The following DDX10 variants were observed in gnomAD, a reference collection of about 807,000 sequenced individuals.
The protein encoded by DDX10 is probable ATP-dependent RNA helicase DDX10.
In DDX10, 74 loss-of-function variants were observed where a neutral mutation model predicts 104.3. That is an observed-to-expected ratio of 0.71 (90% CI 0.59 to 0.86). The LOEUF (loss-of-function observed/expected upper bound fraction) is 0.86, where lower values mean the gene tolerates loss of function less well. DDX10 is among the 40% of genes least tolerant of loss of function. The probability of loss-of-function intolerance (pLI) is 0.00; values close to 1 mark genes in which losing one functional copy is unlikely to be tolerated. For missense variants in DDX10, 952 were observed against 1,040.0 expected, an observed-to-expected ratio of 0.92 and a Z score of 1.16; for synonymous variants, 351 against 353.4, an observed-to-expected ratio of 0.99 and a Z score of 0.08.
intron 17 of DDX10, among the ~76,000 whole-genome samples, chr11:108,922,611 C>T (rs532899671): frequency 2.6e-5 from 4 of 152,332 alleles, no homozygotes; most frequent in Admixed American, 2.6e-4. Flanking sequence ...CTTCTGCCTT[C>T]TTTCTCAGTT....
At chr11:108,936,282 G>C (rs1188610702) in intron 17 of DDX10, among the ~76,000 whole-genome samples, 1 of 152,046 alleles carries the variant, frequency 6.6e-6, no homozygotes, top group African/African-American at 2.4e-5. Flanking sequence ...TACTAATAAA[G>C]TCTTTATTAT....
intron 13 of DDX10, among the ~76,000 whole-genome samples, chr11:108,772,182 G>A (rs1325646477): frequency 1.3e-5 from 2 of 152,212 alleles, no homozygotes; most frequent in African/African-American, 2.4e-5. Flanking sequence ...AAGACTAGTC[G>A]TGAGATGAAT....
chr11:108,900,322 C>G (rs1208902984), intron 16 of DDX10, among the ~76,000 whole-genome samples: 1 of 152,144 alleles, frequency 6.6e-6, no homozygotes, highest in Non-Finnish European at 1.5e-5. Context: ...TATAGCAATA[C>G]AAGAATGGTC....
chr11:108,739,429 T>C (rs1373386731), intron 13 of DDX10, among the ~76,000 whole-genome samples: 5 of 152,212 alleles, frequency 3.3e-5, no homozygotes, highest in African/African-American at 1.2e-4. Context: ...CTTACTGCTG[T>C]TAGAGCACTC....
chr11:108,894,164 A>C (rs142121458), intron 16 of DDX10, among the ~76,000 whole-genome samples: 53 of 152,170 alleles, frequency 3.5e-4, no homozygotes, highest in African/African-American at 1.2e-3. Flanking sequence ...AAGAAAGGTG[A>C]GAGCATGAGA....
At chr11:108,816,795 C>G (rs146775524) in intron 13 of DDX10, among the ~76,000 whole-genome samples, 109 of 152,272 alleles carry the variant, frequency 7.2e-4, no homozygotes, top group African/African-American at 2.6e-3. Flanking sequence ...CTCAGGTGAT[C>G]CGCTCTCTTT....
chr11:108,788,852 G>T (rs1297896485), intron 13 of DDX10, among the ~76,000 whole-genome samples: 1 of 152,222 alleles, frequency 6.6e-6, no homozygotes, highest in African/African-American at 2.4e-5. Flanking sequence ...GTTAGTGTCT[G>T]TGTTGGTGGG....
intron 10 of DDX10, among the ~76,000 whole-genome samples, chr11:108,712,360 C>A (rs1479488940): frequency 1.3e-5 from 2 of 151,842 alleles, no homozygotes; most frequent in African/African-American, 4.8e-5. Flanking sequence ...GTTAGTTGCC[C>A]CTGTTATTCT....
chr11:108,819,631 C>G (rs1395013464), intron 13 of DDX10, among the ~76,000 whole-genome samples: 2 of 151,894 alleles, frequency 1.3e-5, no homozygotes, highest in African/African-American at 4.8e-5. Context: ...CGGAGTCTTT[C>G]TCTGTCACCC....
At chr11:108,936,699 T>G (rs1864041679) in intron 17 of DDX10, among the ~76,000 whole-genome samples, 1 of 152,208 alleles carries the variant, frequency 6.6e-6, no homozygotes, top group East Asian at 1.9e-4. Context: ...TATAACCTAT[T>G]TAATCCTTTA....
chr11:108,885,577 GTTGGCCAGGCTGGTCTAGAATTCCTGACC>G (rs1445558118), intron 16 of DDX10, among the ~76,000 whole-genome samples: 3 of 151,864 alleles, frequency 2.0e-5, no homozygotes, highest in Admixed American at 2.0e-4. Context: ...GTTTCACCAC[GTTGGCCAGGCTGGTCTAGAATTCCTGACC>G]TTGGGTGATC....
intron 10 of DDX10, 140 bp downstream of exon 10, chr11:108,706,977 A>C: frequency 1.5e-6 from 1 of 679,872 alleles, no homozygotes. Context: ...CTCTTTTTAG[A>C]ACAGTTTTAG....
At chr11:108,752,316 G>A (rs1462023504) in intron 13 of DDX10, among the ~76,000 whole-genome samples, 1 of 152,046 alleles carries the variant, frequency 6.6e-6, no homozygotes, top group Non-Finnish European at 1.5e-5. Flanking sequence ...GAAAACAAAT[G>A]GTGTCCTAGT....
intron 6 of DDX10, among the ~76,000 whole-genome samples, chr11:108,682,115 T>C (rs1368664832): frequency 2.0e-5 from 3 of 152,150 alleles, no homozygotes; most frequent in Admixed American, 2.0e-4. Context: ...TAAAGTCTAG[T>C]GTTTTTTGAG....
At chr11:108,703,600 T>C (rs1369697242) in intron 9 of DDX10, among the ~76,000 whole-genome samples, 1 of 152,172 alleles carries the variant, frequency 6.6e-6, no homozygotes, top group Non-Finnish European at 1.5e-5. Flanking sequence ...AGTGCTGGGA[T>C]TACAGGCCTG....
intron 17 of DDX10, chr11:108,920,637 C>G (rs1323439179): frequency 6.6e-6 from 1 of 152,208 alleles, no homozygotes; most frequent in South Asian, 2.1e-4. Context: ...TAAACTAACT[C>G]CCTAGTTCTA....
chr11:108,828,355 T>G (rs1862425084), intron 13 of DDX10, among the ~76,000 whole-genome samples: 1 of 152,110 alleles, frequency 6.6e-6, no homozygotes, highest in Non-Finnish European at 1.5e-5. Flanking sequence ...TCTTAGGCCT[T>G]TGTGTCCTTA....
chr11:108,674,502 T>C (rs547517974), intron 2 of DDX10, among the ~76,000 whole-genome samples: 2 of 152,100 alleles, frequency 1.3e-5, no homozygotes, highest in African/African-American at 4.8e-5. Context: ...AAGAGAGATA[T>C]ATAATAGATC....
intron 13 of DDX10, among the ~76,000 whole-genome samples, chr11:108,831,396 G>T (rs1057196124): frequency 3.2e-5 from 4 of 124,188 alleles, no homozygotes; most frequent in African/African-American, 1.2e-4. Context: ...CTGCACCCCA[G>T]CCTGGTGACA....
Sources: allele counts gnomAD v4.1 joint callset (sites outside exome capture counted in the v4.1 genomes callset), GRCh38; gene constraint gnomAD v4.1.1; transcripts MANE v1.5; gene names NCBI Gene and HGNC (gene_info 2026-07-23, HGNC 2026-07-21).